Variants in CTNNA2 observed in about 807,000 individuals in gnomAD.
CTNNA2 encodes catenin alpha-2.
In CTNNA2, 42 loss-of-function variants were observed where a neutral mutation model predicts 101.0. The observed-to-expected ratio is 0.42, with a 90% CI of 0.32 to 0.54. The LOEUF is 0.54. Among genes scored for constraint, CTNNA2 ranks in the 20% least tolerant of loss-of-function variants. CTNNA2 has a pLI of 0.14. For synonymous variants in CTNNA2, 450 were observed against 456.4 expected, an observed-to-expected ratio of 0.99 and a Z score of 0.18; for missense variants, 871 against 1,223.1, an observed-to-expected ratio of 0.71 and a Z score of 4.29.
chr2:79,484,734 C>T (rs528993511), intron 4 of CTNNA2, among the ~76,000 whole-genome samples: 2 of 152,282 alleles, frequency 1.3e-5, no homozygotes, highest in Admixed American at 1.3e-4. Flanking sequence ...TAGTGTAGTC[C>T]ACAGGAAGCT....
chr2:79,783,249 T>C (rs994984), intron 3 of CTNNA2, among the ~76,000 whole-genome samples: 66,000 of 151,816 alleles, frequency 0.43, 18,295 homozygotes, highest in African/African-American at 0.77. Context: ...TCTTAGAGAG[T>C]TTTCTAGTTA....
intron 15 of CTNNA2, among the ~76,000 whole-genome samples, chr2:80,597,696 A>G (rs970166369): frequency 6.6e-6 from 1 of 152,210 alleles, no homozygotes; most frequent in Admixed American, 6.5e-5. Flanking sequence ...GAAGACATTT[A>G]TGTGGCCAAC....
At chr2:80,156,436 TTACAAA>T (rs1704001115) in intron 7 of CTNNA2, among the ~76,000 whole-genome samples, 1 of 152,230 alleles carries the variant, frequency 6.6e-6, no homozygotes, top group Admixed American at 6.5e-5. Flanking sequence ...ATGCATTTAC[TTACAAA>T]TACAAATTTG....
At chr2:80,262,628 C>A (rs1032601006) in intron 7 of CTNNA2, among the ~76,000 whole-genome samples, 1 of 152,088 alleles carries the variant, frequency 6.6e-6, no homozygotes, top group Admixed American at 6.6e-5. Context: ...CTCCTTGGAT[C>A]TACACATATG....
chr2:79,867,337 A>ATCTG (rs374669110), intron 4 of CTNNA2, among the ~76,000 whole-genome samples: 2,424 of 150,422 alleles, frequency 0.016, 74 homozygotes, highest in African/African-American at 0.056. Context: ...TCAATATTCT[A>ATCTG]TCTATCTGTC....
intron 7 of CTNNA2, among the ~76,000 whole-genome samples, chr2:80,178,844 G>A (rs1202751778): frequency 6.6e-6 from 1 of 152,146 alleles, no homozygotes; most frequent in Non-Finnish European, 1.5e-5. Context: ...TTTTACTGAA[G>A]TAGAAGGTCC....
intron 6 of CTNNA2, among the ~76,000 whole-genome samples, chr2:79,877,906 G>A (rs1004369959): frequency 2.0e-5 from 3 of 152,068 alleles, no homozygotes; most frequent in African/African-American, 7.2e-5. Context: ...TGTTATCTAG[G>A]TTTACATGTG....
rs556785990 is a variant in CTNNA2 at position 79,531,828 on chromosome 2, C to T, written c.-6+18621C>T. Among the ~76,000 whole-genome samples the T allele has an allele frequency of 6.6e-5, 10 of 151,940 alleles. No homozygotes were observed. In the East Asian group the frequency reaches 1.6e-3, roughly 24 times the overall value. Reference sequence around the variant, plus strand: ...TCCTGAGTTGCTGGGATTACAGGCGCGTGCCACAATGCCCACCTAATTTTT... The same window carrying T: ...TCCTGAGTTGCTGGGATTACAGGCGTGTGCCACAATGCCCACCTAATTTTT... On this transcript the variant is annotated intron_variant, in intron 1 of 18. Coordinates refer to ENST00000402739, the MANE Select transcript of CTNNA2 (RefSeq NM_001282597.3).
chr2:80,228,802 T>C (rs11893198), intron 7 of CTNNA2, among the ~76,000 whole-genome samples: 2,859 of 152,328 alleles, frequency 0.019, 98 homozygotes, highest in African/African-American at 0.064. Flanking sequence ...CGTCACCATT[T>C]ACAGTTTGTG....
chr2:79,534,207 T>C (rs1285941341), intron 1 of CTNNA2, among the ~76,000 whole-genome samples: 5 of 152,160 alleles, frequency 3.3e-5, no homozygotes, highest in Non-Finnish European at 7.4e-5. Flanking sequence ...CCAATTGTTA[T>C]CTATATTTAA....
At chr2:79,323,736 G>A (rs1394828506) in intron 3 of CTNNA2, among the ~76,000 whole-genome samples, 1 of 152,146 alleles carries the variant, frequency 6.6e-6, no homozygotes, top group Non-Finnish European at 1.5e-5. Context: ...TTTGTCTGAT[G>A]ATGTTCCTGG....
At chr2:80,081,292 C>A (rs912943732) in intron 7 of CTNNA2, among the ~76,000 whole-genome samples, 1 of 151,504 alleles carries the variant, frequency 6.6e-6, no homozygotes, top group Admixed American at 6.6e-5. Context: ...ACATAAATTT[C>A]GAGGAGGATT....
At chr2:80,387,469 G>A (rs1427198213) in intron 7 of CTNNA2, among the ~76,000 whole-genome samples, 1 of 152,122 alleles carries the variant, frequency 6.6e-6, no homozygotes, top group Non-Finnish European at 1.5e-5. Context: ...GAGACAGTGG[G>A]GTGGGGATCC....
At chr2:80,495,003 C>T (rs1156588072) in intron 9 of CTNNA2, among the ~76,000 whole-genome samples, 1 of 152,142 alleles carries the variant, frequency 6.6e-6, no homozygotes, top group African/African-American at 2.4e-5. Flanking sequence ...TCTCAATCTG[C>T]AGCATGAACT....
intron 9 of CTNNA2, among the ~76,000 whole-genome samples, chr2:80,427,110 A>G (rs1468085622): frequency 6.6e-6 from 1 of 152,148 alleles, no homozygotes; most frequent in Non-Finnish European, 1.5e-5. Context: ...TATAGCAGGT[A>G]TTCAAGAAAG....
intron 7 of CTNNA2, among the ~76,000 whole-genome samples, chr2:79,935,375 T>A (rs1687717333): frequency 6.6e-6 from 1 of 151,936 alleles, no homozygotes; most frequent in African/African-American, 2.4e-5. Flanking sequence ...TAACTTTTTA[T>A]TTGGAAATAA....
intron 7 of CTNNA2, among the ~76,000 whole-genome samples, chr2:79,974,943 G>T (rs2104584139): frequency 6.6e-6 from 1 of 152,202 alleles, no homozygotes; most frequent in African/African-American, 2.4e-5. Context: ...GATACCTGGA[G>T]AACAGAGCGT....
chr2:79,931,127 ACT>A (rs1019342300), intron 7 of CTNNA2, among the ~76,000 whole-genome samples: 2 of 152,106 alleles, frequency 1.3e-5, no homozygotes, highest in African/African-American at 4.8e-5. Context: ...AATCCATTAA[ACT>A]CTGCAATATG....
chr2:80,121,992 C>T (rs1701860796), intron 7 of CTNNA2, among the ~76,000 whole-genome samples: 1 of 152,178 alleles, frequency 6.6e-6, no homozygotes, highest in Admixed American at 6.5e-5. Context: ...GAAATTGCCA[C>T]AGCCTAGCAC....
Sources: allele counts gnomAD v4.1 joint callset (sites outside exome capture counted in the v4.1 genomes callset), GRCh38; gene constraint gnomAD v4.1.1; transcripts MANE v1.5; gene names NCBI Gene and HGNC (gene_info 2026-07-23, HGNC 2026-07-21).